HAO2: variants seen among roughly 807,000 people sequenced by gnomAD.
HAO2 encodes the protein 2-Hydroxyacid oxidase 2.
A neutral mutation model predicts 37.4 loss-of-function variants in HAO2; 42 were observed. That is an observed-to-expected ratio of 1.12 (90% CI 0.88 to 1.45). The LOEUF is 1.45. Among genes scored for constraint, HAO2 ranks in the 40% most tolerant of loss-of-function variants. The pLI is 0.00. For missense variants in HAO2, 476 were observed against 430.2 expected (o/e 1.11, Z -0.94); for synonymous variants, 180 against 162.8 (o/e 1.11, Z -0.81).
intron 5 of HAO2, among the ~76,000 whole-genome samples, chr1:119,389,898 A>G (rs587764854): frequency 6.6e-6 from 1 of 152,204 alleles, no homozygotes; most frequent in Non-Finnish European, 1.5e-5. Flanking sequence ...CCTATGTTAT[A>G]TTCTAGAATT....
At position 119,392,366 on chromosome 1, in the gene HAO2, A is replaced by C; in HGVS notation, c.930+98A>C. On this transcript the variant is annotated intron_variant, in intron 6 of 7. Coordinates refer to ENST00000325945, the MANE Select transcript of HAO2 (RefSeq NM_016527.4). ...TTTTCCAAGCTTAGACATTTTCAAAATGATTCCTAAAGGATAGTTACACCT... is the reference window on the plus strand; with the variant it reads ...TTTTCCAAGCTTAGACATTTTCAAACTGATTCCTAAAGGATAGTTACACCT... 4.7e-6 allele frequency: 5 copies of C among 1,072,920 alleles called. No individual in the cohort carries two copies. The South Asian group carries it at 7.6e-5, about 16-fold the overall frequency. 66.5% of individuals were successfully genotyped at this position (1,072,920 alleles called of 1,614,324 possible).
chr1:119,385,943 G>A, intron 4 of HAO2: 1 of 954,324 alleles, frequency 1.0e-6, no homozygotes, highest in Non-Finnish European at 1.2e-6. Flanking sequence ...CTTATCCTGG[G>A]TATGCCTCAA....
chr1:119,389,582 T>C (rs762842307), intron 5 of HAO2, among the ~76,000 whole-genome samples: 5 of 152,124 alleles, frequency 3.3e-5, no homozygotes, highest in Non-Finnish European at 5.9e-5. Context: ...TATTTGTATA[T>C]TTTATTTTGA....
In HAO2 at chr1:119,392,236, G is replaced by A; in HGVS notation, c.898G>A (p.Gly300Arg). ...LALGAKCIFL[G>R]RPILWGLACK... Reference sequence around the variant, plus strand: ...CCTTGGAGCTAAGTGCATTTTTCTTGGGAGACCAATCCTATGGGGCCTTGC... The same window carrying A: ...CCTTGGAGCTAAGTGCATTTTTCTTAGGAGACCAATCCTATGGGGCCTTGC... The change falls in exon 6 of 8, where the codon GGG becomes AGG. Residue 300 changes from glycine to arginine, a missense_variant. By Grantham distance (125) the Gly-to-Arg change is moderately radical. Transcript: ENST00000325945. 6.2e-7 allele frequency: 1 copy of A among 1,613,282 alleles called. No individual in the cohort carries two copies. The highest frequency in any genetic ancestry group is 8.5e-7 in the Non-Finnish European group (1 of 1,179,522).
chr1:119,386,722 T>C lies in HAO2; in HGVS notation c.662T>C (p.Leu221Pro). ...AGCATAACTCGATTGCCCATCATCC[T>C]GAAAGGGATTTTGACAAAAGAGGAT... is the stretch of plus-strand genomic sequence containing the variant. ...FQSITRLPIILKGILTKEDAE... is the reference protein window; with the variant it reads ...FQSITRLPIIPKGILTKEDAE... The change falls in exon 5 of 8, where the codon CTG becomes CCG. Residue 221 changes from leucine to proline, a missense_variant. Transcript: ENST00000325945. 1 of 1,613,332 alleles carries C rather than the reference T, an allele frequency of 6.2e-7. No homozygotes were observed. Among genetic ancestry groups the C allele is most frequent in the Non-Finnish European group, 8.5e-7 (1 of 1,179,280 alleles).
rs587608240 is a variant in HAO2 at position 119,376,140 on chromosome 1, G to A, written c.-8-4938G>A. ...GCAAGTCCCTTCTACCTATGAGCCT[G>A]TAAAATCAAAAGCAAGTTAGTTACT... On this transcript the variant is annotated intron_variant, in intron 1 of 7. Transcript: ENST00000325945. 3.3e-5 allele frequency among the ~76,000 whole-genome samples: 5 copies of A among 152,290 alleles called. No individual in the cohort carries two copies. In the East Asian group the frequency reaches 9.6e-4, roughly 29 times the overall value.
chr1:119,388,505 G>A (rs1167516179), intron 5 of HAO2, among the ~76,000 whole-genome samples: 1 of 152,122 alleles, frequency 6.6e-6, no homozygotes, highest in Admixed American at 6.5e-5. Context: ...ATCTTATTGT[G>A]CTAATCAACT....
At chr1:119,380,287 A>G (rs1649813304) in intron 1 of HAO2, among the ~76,000 whole-genome samples, 1 of 152,146 alleles carries the variant, frequency 6.6e-6, no homozygotes. Context: ...TGTTGTATCA[A>G]AAGTACCAAG....
At chr1:119,371,844 G>A (rs1649048668) in intron 1 of HAO2, among the ~76,000 whole-genome samples, 1 of 152,186 alleles carries the variant, frequency 6.6e-6, no homozygotes, top group Non-Finnish European at 1.5e-5. Context: ...CCATCATGCT[G>A]CCTCCAGGGC....
chr1:119,389,099 A>T (rs1173091678), intron 5 of HAO2, among the ~76,000 whole-genome samples: 2 of 81,208 alleles, frequency 2.5e-5, no homozygotes, highest in African/African-American at 9.5e-5. Context: ...TGCGAATGCC[A>T]TTAATTCATT....
At position 119,392,154 on chromosome 1, in the gene HAO2, T is replaced by G. The variant is rs587600090; in HGVS notation, c.816T>G (p.Ile272Met). The G allele has an allele frequency of 6.2e-7, 1 of 1,613,354 alleles. No homozygotes were observed. The highest frequency in any genetic ancestry group is 1.1e-5 in the South Asian group (1 of 90,984). Residue 272 changes from isoleucine to methionine, a missense_variant, in exon 6 of 8, where the codon ATT becomes ATG. Transcript: ENST00000325945. ...TEVVAAVKGKIEVYLDGGVRT... is the reference protein window; with the variant it reads ...TEVVAAVKGKMEVYLDGGVRT... ...TGGTGGCTGCTGTAAAGGGGAAAAT[T>G]GAAGTCTACCTGGATGGCGGGGTCC...
chr1:119,371,820 T>C (rs587670631), intron 1 of HAO2, among the ~76,000 whole-genome samples: 16 of 152,330 alleles, frequency 1.1e-4, no homozygotes, highest in African/African-American at 3.1e-4. Flanking sequence ...GTTATTATTA[T>C]TCATATTAAG....
intron 2 of HAO2, 129 bp downstream of exon 2, chr1:119,381,345 T>C: frequency 1.4e-6 from 1 of 722,898 alleles, no homozygotes; most frequent in Non-Finnish European, 2.4e-6. Flanking sequence ...TGTGGATGAT[T>C]TTGTTGTTGT....
At chr1:119,387,772 G>A (rs1357252192) in intron 5 of HAO2, among the ~76,000 whole-genome samples, 1 of 152,096 alleles carries the variant, frequency 6.6e-6, no homozygotes, top group Non-Finnish European at 1.5e-5. Context: ...CTCCATTGTA[G>A]AACATCTGTA....
rs999664203 is a variant in HAO2 at position 119,394,008 on chromosome 1, C to A, written c.*168C>A. Reference sequence around the variant, plus strand: ...ACCCCTGTGCTTCAGGCCCTCCAAACCCCTGTGTTCCCCAAATGTTCCATG... The same window carrying A: ...ACCCCTGTGCTTCAGGCCCTCCAAAACCCTGTGTTCCCCAAATGTTCCATG... On this transcript the variant is annotated 3_prime_UTR_variant, in exon 8 of 8. Coordinates refer to ENST00000325945, the MANE Select transcript of HAO2 (RefSeq NM_016527.4). The A allele has an allele frequency of 2.1e-6, 3 of 1,431,804 alleles. No homozygotes were observed. Among genetic ancestry groups the A allele is most frequent in the African/African-American group, 2.9e-5 (2 of 69,778 alleles). The allele number at this position is 1,431,804 out of a possible 1,614,324, so 88.7% of individuals were successfully genotyped here. A position where few individuals can be genotyped will look rare whatever the true frequency, so the allele number is the denominator to read the frequency against.
At chr1:119,387,918 T>A (rs1650514939) in intron 5 of HAO2, among the ~76,000 whole-genome samples, 1 of 152,206 alleles carries the variant, frequency 6.6e-6, no homozygotes, top group Non-Finnish European at 1.5e-5. Context: ...AGACACGTGA[T>A]GCTTGGAAGC....
At chr1:119,375,064 G>A (rs887574771) in intron 1 of HAO2, among the ~76,000 whole-genome samples, 3 of 152,170 alleles carry the variant, frequency 2.0e-5, no homozygotes, top group African/African-American at 7.2e-5. Context: ...ACAATAGCTG[G>A]CAATTGGTCA....
rs1166128424 is a variant in HAO2 at position 119,392,203 on chromosome 1, G to T, written c.865G>T (p.Ala289Ser). 1 of 1,613,350 alleles carries T rather than the reference G, an allele frequency of 6.2e-7. No individual in the cohort carries two copies. The highest frequency in any genetic ancestry group is 8.5e-7 in the Non-Finnish European group (1 of 1,179,560). ...CCGAACTGGCAATGATGTGCTGAAG[G>T]CTCTGGCCCTTGGAGCTAAGTGCAT... ...GVRTGNDVLK[A>S]LALGAKCIFL... is the part of the protein sequence containing the mutation. The change falls in exon 6 of 8, where the codon GCT (alanine) becomes TCT (serine). Residue 289 changes from alanine to serine, a missense_variant. Ala to Ser is a moderately conservative substitution (Grantham distance 99). Coordinates refer to ENST00000325945, the MANE Select transcript of HAO2 (RefSeq NM_016527.4).
At chr1:119,374,228 C>A (rs1649266462) in intron 1 of HAO2, among the ~76,000 whole-genome samples, 1 of 152,234 alleles carries the variant, frequency 6.6e-6, no homozygotes, top group Non-Finnish European at 1.5e-5. Flanking sequence ...TGATTCATGT[C>A]TTCCCTGAAC....
Sources: gnomAD v4.1 joint callset for allele counts (sites outside exome capture counted in the v4.1 genomes callset) on GRCh38, gnomAD v4.1.1 for gene constraint, MANE v1.5 for transcripts, NCBI Gene and HGNC (gene_info 2026-07-23, HGNC 2026-07-21) for gene names.